Variants in C12orf42 observed in about 807,000 individuals in gnomAD.
C12orf42 encodes chromosome 12 open reading frame 42, also known as uncharacterized protein C12orf42.
C12orf42 carries 25 observed loss-of-function variants against 21.6 expected under a neutral mutation model. The observed-to-expected ratio is 1.16, with a 90% CI of 0.84 to 1.62. The LOEUF (loss-of-function observed/expected upper bound fraction) is 1.62, where lower values mean the gene tolerates loss of function less well. C12orf42 is among the 40% of genes most tolerant of loss of function. The pLI is 0.00. For synonymous variants in C12orf42, 174 were observed against 175.0 expected (o/e 0.99, Z 0.05); for missense variants, 483 against 459.3 (o/e 1.05, Z -0.47).
chr12:103,151,179 G>A, the C12orf42 span, among the ~76,000 whole-genome samples: 45,096 of 151,864 alleles, frequency 0.3, 7,089 homozygotes, highest in East Asian at 0.4. Context: ...TGCCTGCCTC[G>A]GCCTCCCAAA....
chr12:103,387,222 C>T (rs1024833422), intron 3 of C12orf42, among the ~76,000 whole-genome samples: 4 of 152,216 alleles, frequency 2.6e-5, no homozygotes, highest in African/African-American at 9.7e-5. Flanking sequence ...CCCGGGCTTG[C>T]TATTGCCTCA....
At chr12:103,211,720 A>C in the C12orf42 span, among the ~76,000 whole-genome samples, 1 of 152,158 alleles carries the variant, frequency 6.6e-6, no homozygotes, top group African/African-American at 2.4e-5. Context: ...CAACCAGCTA[A>C]ATCATTCCTA....
the C12orf42 span, among the ~76,000 whole-genome samples, chr12:103,071,285 A>T: frequency 6.6e-6 from 1 of 152,278 alleles, no homozygotes; most frequent in South Asian, 2.1e-4. Context: ...TTTATTTTTA[A>T]TGTTTCTTAA....
the C12orf42 span, among the ~76,000 whole-genome samples, chr12:103,132,253 C>T: frequency 8.6e-5 from 13 of 152,044 alleles, no homozygotes; most frequent in East Asian, 5.8e-4. Flanking sequence ...GGAATTCAAC[C>T]GAAAAGTGAT....
At chr12:103,189,603 G>C in the C12orf42 span, among the ~76,000 whole-genome samples, 14 of 152,182 alleles carry the variant, frequency 9.2e-5, no homozygotes, top group Non-Finnish European at 1.9e-4. Flanking sequence ...GGGTAGGCCT[G>C]AGAGAGACAT....
the C12orf42 span, chr12:103,164,909 AT>A: frequency 3.7e-6 from 1 of 269,198 alleles, no homozygotes; most frequent in African/African-American, 2.2e-5. Flanking sequence ...AGTTGAGAGA[AT>A]TTAATGAAAC....
chr12:103,506,835 TTATATA>T, the C12orf42 span, among the ~76,000 whole-genome samples: 11 of 69,818 alleles, frequency 1.6e-4, no homozygotes, highest in South Asian at 7.3e-4. Flanking sequence ...TATTTATATA[TTATATA>T]TATATATATT....
intron 4 of C12orf42, among the ~76,000 whole-genome samples, chr12:103,320,930 A>C (rs866669781): frequency 3.3e-5 from 5 of 152,338 alleles, no homozygotes; most frequent in Middle Eastern, 3.4e-3. Flanking sequence ...TAGAGGGAAG[A>C]ATATGCATCT....
At chr12:103,386,998 C>T (rs1277904460) in intron 3 of C12orf42, among the ~76,000 whole-genome samples, 1 of 152,216 alleles carries the variant, frequency 6.6e-6, no homozygotes, top group Non-Finnish European at 1.5e-5. Flanking sequence ...ATTCAAATCC[C>T]CAGTGCCTTC....
intron 4 of C12orf42, among the ~76,000 whole-genome samples, chr12:103,277,633 T>C (rs1015946351): frequency 6.6e-6 from 1 of 151,826 alleles, no homozygotes; most frequent in Non-Finnish European, 1.5e-5. Flanking sequence ...TTTTCTTTTT[T>C]TTTTTGAGAT....
At chr12:103,464,651 C>A (rs909945746) in intron 2 of C12orf42, among the ~76,000 whole-genome samples, 6 of 152,072 alleles carry the variant, frequency 3.9e-5, no homozygotes, top group African/African-American at 1.2e-4. Context: ...GTGCCTATGT[C>A]CTGAATGGTA....
chr12:103,118,580 C>T, the C12orf42 span, among the ~76,000 whole-genome samples: 14 of 152,044 alleles, frequency 9.2e-5, no homozygotes, highest in South Asian at 6.2e-4. Flanking sequence ...GGGCGGATCA[C>T]GAGGTCAGGA....
the C12orf42 span, among the ~76,000 whole-genome samples, chr12:103,138,057 T>C: frequency 6.6e-6 from 1 of 152,148 alleles, no homozygotes; most frequent in East Asian, 1.9e-4. Flanking sequence ...TAATAAATAA[T>C]TGAAGTGATG....
the C12orf42 span, among the ~76,000 whole-genome samples, chr12:103,167,663 G>C: frequency 1.3e-5 from 2 of 151,986 alleles, no homozygotes; most frequent in African/African-American, 4.8e-5. Context: ...CCAATGAAAG[G>C]GATTTTGACA....
intron 5 of C12orf42, among the ~76,000 whole-genome samples, chr12:103,275,118 A>G (rs1279247149): frequency 6.6e-6 from 1 of 152,152 alleles, no homozygotes; most frequent in Non-Finnish European, 1.5e-5. Flanking sequence ...ATGTATTTTT[A>G]TTGATATCTC....
At chr12:103,116,381 A>AAAAAATATATAT in the C12orf42 span, among the ~76,000 whole-genome samples, 3 of 136,712 alleles carry the variant, frequency 2.2e-5, no homozygotes, top group African/African-American at 8.2e-5. Flanking sequence ...AAAAAAAAAA[A>AAAAAATATATAT]ATATATATAT....
At chr12:103,350,292 CTCCATCGCACCTGAGAGGTGAA>C (rs2042997902) in intron 4 of C12orf42, among the ~76,000 whole-genome samples, 1 of 152,160 alleles carries the variant, frequency 6.6e-6, no homozygotes, top group African/African-American at 2.4e-5. Context: ...TGCCATCTTG[CTCCATCGCACCTGAGAGGTGAA>C]TCACCCCTTT....
intron 4 of C12orf42, among the ~76,000 whole-genome samples, chr12:103,340,885 G>C (rs569696304): frequency 9.2e-5 from 14 of 152,178 alleles, no homozygotes; most frequent in African/African-American, 3.4e-4. Flanking sequence ...AGGCCTAGGC[G>C]GGGGGATCAC....
At chr12:103,403,142 G>A (rs1017423111) in intron 2 of C12orf42, among the ~76,000 whole-genome samples, 5 of 152,148 alleles carry the variant, frequency 3.3e-5, no homozygotes, top group African/African-American at 9.7e-5. Flanking sequence ...TTGGGAGGCC[G>A]AGGCGGGCGG....
Sources: gnomAD v4.1 joint callset for allele counts (sites outside exome capture counted in the v4.1 genomes callset) on GRCh38, gnomAD v4.1.1 for gene constraint, MANE v1.5 for transcripts, NCBI Gene and HGNC (gene_info 2026-07-23, HGNC 2026-07-21) for gene names.